TBC1D1: variants seen among roughly 807,000 people sequenced by gnomAD.
The protein encoded by TBC1D1 is TBC1 domain family member 1.
TBC1D1 carries 89 observed loss-of-function variants against 125.6 expected under a neutral mutation model. The ratio of observed to expected loss-of-function variants is 0.71; its 90% confidence interval spans 0.60 to 0.85. TBC1D1 has a LOEUF of 0.85. Among genes scored for constraint, TBC1D1 ranks in the 40% least tolerant of loss-of-function variants. TBC1D1 has a pLI of 0.00. For synonymous variants in TBC1D1, 565 were observed against 564.1 expected, an observed-to-expected ratio of 1.00 and a Z score of -0.02; for missense variants, 1,377 against 1,469.2, an observed-to-expected ratio of 0.94 and a Z score of 1.03.
intron 12 of TBC1D1, among the ~76,000 whole-genome samples, chr4:38,068,552 C>CGATGG (rs1754139887): frequency 6.6e-6 from 1 of 152,114 alleles, no homozygotes; most frequent in Admixed American, 6.5e-5. Flanking sequence ...GTGTATGCCC[C>CGATGG]GATGGAGAGC....
chr4:38,091,343 G>C (rs963579628), intron 13 of TBC1D1, among the ~76,000 whole-genome samples: 1 of 152,168 alleles, frequency 6.6e-6, no homozygotes, highest in African/African-American at 2.4e-5. Flanking sequence ...ATAGCACACT[G>C]GGGGGCGTTT....
At chr4:38,067,023 C>T (rs956995564) in intron 12 of TBC1D1, among the ~76,000 whole-genome samples, 2 of 152,098 alleles carry the variant, frequency 1.3e-5, no homozygotes, top group African/African-American at 2.4e-5. Context: ...ATTACAGGTG[C>T]GCACCACCAC....
At chr4:38,011,732 CTT>C (rs1171149160) in intron 2 of TBC1D1, among the ~76,000 whole-genome samples, 1 of 152,124 alleles carries the variant, frequency 6.6e-6, no homozygotes, top group Non-Finnish European at 1.5e-5. Context: ...GAGAGAGAGA[CTT>C]TGGTCTTTGA....
chr4:38,034,190 A>C (rs1746766176), intron 7 of TBC1D1, among the ~76,000 whole-genome samples: 1 of 152,230 alleles, frequency 6.6e-6, no homozygotes, highest in Non-Finnish European at 1.5e-5. Flanking sequence ...TTGATCTAGC[A>C]GTGTTAAGTT....
intron 2 of TBC1D1, among the ~76,000 whole-genome samples, chr4:37,962,515 C>T (rs368660204): frequency 2.6e-5 from 4 of 152,190 alleles, no homozygotes; most frequent in South Asian, 2.1e-4. Context: ...AGACACTAAA[C>T]GTTTAAATTT....
At chr4:38,003,926 C>T (rs184283378) in intron 2 of TBC1D1, among the ~76,000 whole-genome samples, 1 of 151,516 alleles carries the variant, frequency 6.6e-6, no homozygotes, top group African/African-American at 2.4e-5. Flanking sequence ...AAGGTAACAG[C>T]TAGCATTTAT....
intron 15 of TBC1D1, chr4:38,110,717 G>A (rs1762062214): frequency 1.0e-6 from 1 of 985,426 alleles, no homozygotes; most frequent in African/African-American, 1.7e-5. Flanking sequence ...TAAAGGACCT[G>A]CACTTCTCTG....
intron 8 of TBC1D1, among the ~76,000 whole-genome samples, chr4:38,043,989 T>C (rs1199111122): frequency 6.6e-6 from 1 of 152,258 alleles, no homozygotes; most frequent in African/African-American, 2.4e-5. Flanking sequence ...CACAGTGTTA[T>C]GATTCGATCT....
At chr4:38,029,025 A>C (rs1472020796) in intron 7 of TBC1D1, among the ~76,000 whole-genome samples, 1 of 152,192 alleles carries the variant, frequency 6.6e-6, no homozygotes, top group Non-Finnish European at 1.5e-5. Context: ...ATTTAGATGC[A>C]GTGTATCTCG....
At chr4:38,120,113 GAT>G in intron 17 of TBC1D1, 2 of 985,410 alleles carry the variant, frequency 2.0e-6, no homozygotes, top group Non-Finnish European at 2.4e-6. Context: ...GTAAAGGTAA[GAT>G]ATTTTTCTGT....
rs200420769 is a variant in TBC1D1 at position 37,922,957 on chromosome 4, TC to T, written c.417+20446del. Among the ~76,000 whole-genome samples, 410 of 150,190 alleles carry T rather than the reference TC, an allele frequency of 2.7e-3. 1 individual carries two copies. Among genetic ancestry groups the T allele is most frequent in the African/African-American group, 7.1e-3 (291 of 41,106 alleles). On this transcript the variant is annotated intron_variant, in intron 2 of 19. Transcript: ENST00000261439. ...ATGGATGGGGTGGCAAAGTTCTCTC[TC>T]TTTTTTTTTTAATTATACTTTAAGT...
intron 6 of TBC1D1, 44 bp from the exon 7 acceptor site, chr4:38,027,744 T>A (rs759803278): frequency 2.1e-6 from 3 of 1,424,810 alleles, no homozygotes; most frequent in Non-Finnish European, 2.9e-6. Flanking sequence ...ATCTCACAAC[T>A]TTTATATAGA....
chr4:38,009,655 A>G (rs544497791), intron 2 of TBC1D1, among the ~76,000 whole-genome samples: 25 of 152,338 alleles, frequency 1.6e-4, no homozygotes, highest in Non-Finnish European at 2.8e-4. Flanking sequence ...ATGAAACAGT[A>G]TTCACTTATG....
At chr4:38,127,934 A>G (rs1764924149) in intron 18 of TBC1D1, among the ~76,000 whole-genome samples, 1 of 152,002 alleles carries the variant, frequency 6.6e-6, no homozygotes, top group Non-Finnish European at 1.5e-5. Flanking sequence ...CGTCACAACT[A>G]CTCACCTCTG....
intron 14 of TBC1D1, among the ~76,000 whole-genome samples, chr4:38,101,764 G>T (rs1287420155): frequency 2.6e-5 from 4 of 152,080 alleles, no homozygotes; most frequent in Non-Finnish European, 5.9e-5. Flanking sequence ...TACCAAACGT[G>T]GGGCAGGTTT....
At chr4:38,032,038 G>A (rs1746250863) in intron 7 of TBC1D1, among the ~76,000 whole-genome samples, 2 of 152,194 alleles carry the variant, frequency 1.3e-5, no homozygotes, top group Admixed American at 1.3e-4. Context: ...AGCATTTCTG[G>A]CCAGGCGCGG....
chr4:38,005,533 TG>T (rs1739965381), intron 2 of TBC1D1, among the ~76,000 whole-genome samples: 2 of 152,230 alleles, frequency 1.3e-5, no homozygotes, highest in South Asian at 4.1e-4. Context: ...GCCTGGCTTC[TG>T]AGACAGCAGT....
Position 38,014,265 on chromosome 4 carries a change from C to T in TBC1D1, c.418-244C>T, listed in dbSNP as rs79623197. The stretch of plus-strand genomic sequence containing the variant: ...GGCATGTAAATCCTCCAGCGCAGCC[C>T]TTGGCAGGTAAGAGGTGCTTCATAA... On this transcript the variant is annotated intron_variant, in intron 2 of 19. Transcript: ENST00000261439. The surrounding 1 kb of genome is among the most constrained non-coding windows in gnomAD (Gnocchi z 5.1). Among the ~76,000 whole-genome samples the T allele has an allele frequency of 3.6e-3, 545 of 152,272 alleles. 2 individuals carry two copies. Among genetic ancestry groups the T allele is most frequent in the African/African-American group, 0.012 (513 of 41,560 alleles).
intron 2 of TBC1D1, among the ~76,000 whole-genome samples, chr4:37,961,372 G>A (rs1189334496): frequency 1.3e-5 from 2 of 152,098 alleles, no homozygotes; most frequent in Admixed American, 1.3e-4. Flanking sequence ...TAGCAGCAAA[G>A]GGAGATAATT....
Sources: allele counts gnomAD v4.1 joint callset (sites outside exome capture counted in the v4.1 genomes callset), GRCh38; gene constraint gnomAD v4.1.1; non-coding constraint Gnocchi (gnomAD v3.1); transcripts MANE v1.5; gene names NCBI Gene and HGNC (gene_info 2026-07-23, HGNC 2026-07-21).